Variants in ADAMTSL3 observed in about 807,000 individuals in gnomAD.
ADAMTSL3 encodes ADAMTS like 3.
A neutral mutation model predicts 201.7 loss-of-function variants in ADAMTSL3; 128 were observed. The observed-to-expected ratio is 0.63, with a 90% CI of 0.55 to 0.73. The LOEUF is 0.73. Among genes scored for constraint, ADAMTSL3 ranks in the 30% least tolerant of loss-of-function variants. The pLI, the probability that ADAMTSL3 is intolerant of heterozygous loss-of-function variation, is 0.00. For missense variants in ADAMTSL3, 1,990 were observed against 2,119.6 expected (o/e 0.94, Z 1.20); for synonymous variants, 738 against 748.4 (o/e 0.99, Z 0.23).
intron 23 of ADAMTSL3, among the ~76,000 whole-genome samples, chr15:84,012,011 G>T (rs1402207258): frequency 6.6e-6 from 1 of 152,192 alleles, no homozygotes; most frequent in African/African-American, 2.4e-5. Context: ...TTCTGTATGT[G>T]TATATGTGTA....
chr15:83,821,479 CA>C (rs1419687381), intron 6 of ADAMTSL3, among the ~76,000 whole-genome samples: 1 of 151,718 alleles, frequency 6.6e-6, no homozygotes, highest in Non-Finnish European at 1.5e-5. Flanking sequence ...ATCTGTTTAA[CA>C]AAGCACGTCT....
At chr15:83,667,492 C>T (rs930584018) in intron 2 of ADAMTSL3, among the ~76,000 whole-genome samples, 2 of 150,172 alleles carry the variant, frequency 1.3e-5, no homozygotes, top group African/African-American at 4.9e-5. Flanking sequence ...GAAATGGTGC[C>T]AGCTTCCAAA....
intron 8 of ADAMTSL3, among the ~76,000 whole-genome samples, chr15:83,863,169 T>C (rs1187737590): frequency 6.6e-6 from 1 of 152,172 alleles, no homozygotes; most frequent in African/African-American, 2.4e-5. Flanking sequence ...ACAATAATAA[T>C]GGGAGACTTT....
At chr15:83,717,845 A>G (rs1228512973) in intron 3 of ADAMTSL3, among the ~76,000 whole-genome samples, 1 of 152,150 alleles carries the variant, frequency 6.6e-6, no homozygotes, top group Non-Finnish European at 1.5e-5. Flanking sequence ...GAGATTTAAA[A>G]CTTTTTGCAG....
In ADAMTSL3 at chr15:83,817,771, C is replaced by T. The variant is rs542336728; in HGVS notation, c.364-2040C>T. Among the ~76,000 whole-genome samples the T allele has an allele frequency of 9.2e-5, 14 of 152,194 alleles. No individual in the cohort carries two copies. In the South Asian group the frequency reaches 1.5e-3, roughly 16 times the overall value. On this transcript the variant is annotated intron_variant, in intron 5 of 29. Coordinates refer to ENST00000286744, the MANE Select transcript of ADAMTSL3 (RefSeq NM_207517.3). ...CAATAAAAAGAAAATGCAAGCTGGG[C>T]GCGGTGGCTCACACCTGTAATCCCA...
At chr15:83,890,701 A>G (rs1427482403) in intron 11 of ADAMTSL3, 1 of 155,434 alleles carries the variant, frequency 6.4e-6, no homozygotes, top group Non-Finnish European at 1.4e-5. Flanking sequence ...TGTGTAAACT[A>G]TCCTATTGCA....
intron 7 of ADAMTSL3, among the ~76,000 whole-genome samples, chr15:83,849,634 G>A (rs2064569042): frequency 6.6e-6 from 1 of 151,994 alleles, no homozygotes; most frequent in Non-Finnish European, 1.5e-5. Flanking sequence ...CTTTATCATC[G>A]CCTCCAGCTC....
In ADAMTSL3 at chr15:83,897,877, G is replaced by A. The variant is rs770483048; in HGVS notation, c.1487G>A (p.Arg496Gln). 91 of 1,605,578 alleles carry A rather than the reference G, an allele frequency of 5.7e-5. No individual in the cohort carries two copies. Among genetic ancestry groups the A allele is most frequent in the South Asian group, 5.2e-4 (47 of 89,860 alleles). Reference sequence around the variant, plus strand: ...TTGAAGTGCACAGTGACTTGTGGCCGAGGGTTACGGTACCGGGTTGTTCTG... The same window carrying A: ...TTGAAGTGCACAGTGACTTGTGGCCAAGGGTTACGGTACCGGGTTGTTCTG... The part of the protein sequence containing the change: ...EWSQCTVTCG[R>Q]GLRYRVVLCI... The change falls in exon 14 of 30, where the codon CGA becomes CAA. Residue 496 changes from arginine (R) to glutamine (Q), a missense_variant. Transcript: ENST00000286744.
chr15:83,843,663 C>T (rs1264459858), intron 7 of ADAMTSL3, among the ~76,000 whole-genome samples: 1 of 152,158 alleles, frequency 6.6e-6, no homozygotes, highest in Non-Finnish European at 1.5e-5. Context: ...CCACACCTTG[C>T]CAAGAATTCA....
chr15:83,934,282 T>G (rs1600640), intron 17 of ADAMTSL3, among the ~76,000 whole-genome samples: 118,042 of 152,184 alleles, frequency 0.78, 45,944 homozygotes, highest in African/African-American at 0.82. Flanking sequence ...GTTAAAAGGA[T>G]ATCATTTCAG....
rs1023519466 is a variant in ADAMTSL3 at position 83,780,278 on chromosome 15, C to T, written c.317+6628C>T. On this transcript the variant is annotated intron_variant, in intron 4 of 29. Coordinates refer to ENST00000286744, the MANE Select transcript of ADAMTSL3 (RefSeq NM_207517.3). ...TACAAAAATTAGCTGGGCATGGTGG[C>T]GGGCACCTGTAATGCCAGCTACTTG... is the stretch of plus-strand genomic sequence containing the variant. 3.9e-5 allele frequency among the ~76,000 whole-genome samples: 6 copies of T among 151,940 alleles called. No individual in the cohort carries two copies. In the East Asian group the frequency reaches 5.8e-4, roughly 15 times the overall value.
chr15:83,658,586 G>A (rs1397565891), intron 2 of ADAMTSL3, among the ~76,000 whole-genome samples: 1 of 152,190 alleles, frequency 6.6e-6, no homozygotes, highest in East Asian at 1.9e-4. Context: ...AGCTGGAGCG[G>A]CCTCCCCTCT....
At chr15:83,871,473 G>A (rs1241294714) in intron 9 of ADAMTSL3, among the ~76,000 whole-genome samples, 2 of 152,200 alleles carry the variant, frequency 1.3e-5, no homozygotes, top group African/African-American at 2.4e-5. Flanking sequence ...AGACAACAGC[G>A]GCTCATTCCT....
chr15:83,737,813 G>A (rs1167357205), intron 3 of ADAMTSL3, among the ~76,000 whole-genome samples: 1 of 152,116 alleles, frequency 6.6e-6, no homozygotes, highest in East Asian at 1.9e-4. Context: ...AGAATTAGGA[G>A]AAATATCCAG....
chr15:83,752,908 G>A (rs2141676740), intron 3 of ADAMTSL3, among the ~76,000 whole-genome samples: 1 of 152,252 alleles, frequency 6.6e-6, no homozygotes, highest in East Asian at 1.9e-4. Flanking sequence ...CATCCATCAA[G>A]ATTCAGCTCA....
At chr15:83,975,409 C>T (rs1323868670) in intron 20 of ADAMTSL3, among the ~76,000 whole-genome samples, 1 of 152,188 alleles carries the variant, frequency 6.6e-6, no homozygotes, top group Non-Finnish European at 1.5e-5. Flanking sequence ...GTTCTGGCTG[C>T]TTCCAGTAAC....
chr15:83,698,024 C>A (rs940671915), intron 2 of ADAMTSL3, among the ~76,000 whole-genome samples: 4 of 152,046 alleles, frequency 2.6e-5, no homozygotes, highest in African/African-American at 9.7e-5. Context: ...CCCTGTCACT[C>A]AGGAAATCAC....
At chr15:83,692,775 A>G (rs1009116749) in intron 2 of ADAMTSL3, among the ~76,000 whole-genome samples, 3 of 152,030 alleles carry the variant, frequency 2.0e-5, no homozygotes, top group African/African-American at 4.8e-5. Flanking sequence ...CACACTGAAC[A>G]CTTCCTGCCC....
At chr15:83,997,591 AAAAACAAAAC>A (rs565600124) in intron 23 of ADAMTSL3, among the ~76,000 whole-genome samples, 2 of 152,236 alleles carry the variant, frequency 1.3e-5, no homozygotes, top group African/African-American at 2.4e-5. Flanking sequence ...CTCCGTCTCA[AAAAACAAAAC>A]AAAACAAAAC....
Sources: allele counts gnomAD v4.1 joint callset (sites outside exome capture counted in the v4.1 genomes callset), GRCh38; gene constraint gnomAD v4.1.1; transcripts MANE v1.5; gene names NCBI Gene and HGNC (gene_info 2026-07-23, HGNC 2026-07-21).